RAB3C: variants seen among roughly 807,000 people sequenced by gnomAD.
RAB3C encodes the protein ras-related protein Rab-3C.
Under a neutral mutation model 26.4 loss-of-function variants are expected in RAB3C, and 17 were observed. The observed-to-expected ratio is 0.64, with a 90% CI of 0.44 to 0.97. The LOEUF (loss-of-function observed/expected upper bound fraction) is 0.97. RAB3C is among the 50% of genes least tolerant of loss of function. The pLI is 0.00. For synonymous variants in RAB3C, 91 were observed against 95.9 expected (o/e 0.95, Z 0.30); for missense variants, 242 against 281.9 (o/e 0.86, Z 1.01).
intron 1 of RAB3C, among the ~76,000 whole-genome samples, chr5:58,594,994 G>C (rs1399142096): frequency 1.3e-5 from 2 of 151,874 alleles, no homozygotes; most frequent in Non-Finnish European, 2.9e-5. Flanking sequence ...TCTTGTAAGA[G>C]CTATTCCTCA....
At chr5:58,599,043 A>T (rs1039709914) in intron 1 of RAB3C, among the ~76,000 whole-genome samples, 1 of 152,088 alleles carries the variant, frequency 6.6e-6, no homozygotes, top group African/African-American at 2.4e-5. Context: ...ATAGGTAAAA[A>T]CAAAACAAAA....
At chr5:58,753,629 A>G (rs1055041590) in intron 3 of RAB3C, among the ~76,000 whole-genome samples, 5 of 152,206 alleles carry the variant, frequency 3.3e-5, no homozygotes, top group Middle Eastern at 3.2e-3. Flanking sequence ...TTAGTTGCAC[A>G]GCTGTCTTCA....
intron 1 of RAB3C, among the ~76,000 whole-genome samples, chr5:58,600,437 T>C (rs899911460): frequency 6.6e-6 from 1 of 152,124 alleles, no homozygotes; most frequent in African/African-American, 2.4e-5. Flanking sequence ...GGCAGTATGG[T>C]CATTTTCACA....
intron 3 of RAB3C, among the ~76,000 whole-genome samples, chr5:58,726,639 T>C (rs1740897361): frequency 6.6e-6 from 1 of 151,994 alleles, no homozygotes. Context: ...TGTCCATTTA[T>C]GAAAAAAGTT....
At chr5:58,702,248 T>C (rs372422893) in intron 2 of RAB3C, among the ~76,000 whole-genome samples, 1 of 152,250 alleles carries the variant, frequency 6.6e-6, no homozygotes, top group East Asian at 1.9e-4. Flanking sequence ...TAAAATGCTG[T>C]CCGTGACCCA....
intron 4 of RAB3C, among the ~76,000 whole-genome samples, chr5:58,835,742 C>CA (rs148093910): frequency 3.4e-4 from 51 of 151,018 alleles, no homozygotes; most frequent in Middle Eastern, 3.4e-3. Flanking sequence ...TCTTTTTTAA[C>CA]AAAAAAAAGC....
chr5:58,816,569 G>T (rs1175469583), intron 3 of RAB3C, among the ~76,000 whole-genome samples: 1 of 152,156 alleles, frequency 6.6e-6, no homozygotes, highest in Non-Finnish European at 1.5e-5. Context: ...AAGTGGTAAG[G>T]CCTGGGGGAT....
At chr5:58,696,985 T>A (rs1748713965) in intron 2 of RAB3C, among the ~76,000 whole-genome samples, 1 of 152,232 alleles carries the variant, frequency 6.6e-6, no homozygotes, top group South Asian at 2.1e-4. Flanking sequence ...TGTTTGCTCT[T>A]ACTTCTCTAG....
At chr5:58,749,629 T>G (rs13176234) in intron 3 of RAB3C, among the ~76,000 whole-genome samples, 3,557 of 152,268 alleles carry the variant, frequency 0.023, 86 homozygotes, top group Non-Finnish European at 0.034. Context: ...TGTTTACAAT[T>G]TTTAAATATT....
intron 2 of RAB3C, among the ~76,000 whole-genome samples, chr5:58,658,585 A>T (rs1243305666): frequency 6.6e-6 from 1 of 152,184 alleles, no homozygotes; most frequent in African/African-American, 2.4e-5. Context: ...CAGCCTAACC[A>T]TGGTAAGGTT....
chr5:58,689,427 C>T, intron 2 of RAB3C: 1 of 152,038 alleles, frequency 6.6e-6, no homozygotes, highest in South Asian at 2.1e-4. Context: ...TATTTTGTAA[C>T]CAGATAATTT....
chr5:58,750,812 T>C lies in RAB3C; in HGVS notation c.371+24692T>C, dbSNP rs1346242501. 2.6e-5 allele frequency among the ~76,000 whole-genome samples: 4 copies of C among 152,292 alleles called. No homozygotes were observed. The South Asian group carries it at 8.3e-4, about 32-fold the overall frequency. ...TCATGTATTTTCTTTCCTTCCTTCC[T>C]TCCTTGCTTCCTTCCTTCCTCCCTC... On this transcript the variant is annotated intron_variant, in intron 3 of 4. Transcript: ENST00000282878.
At chr5:58,586,280 A>T (rs1355531079) in intron 1 of RAB3C, among the ~76,000 whole-genome samples, 2 of 152,072 alleles carry the variant, frequency 1.3e-5, no homozygotes, top group African/African-American at 4.8e-5. Flanking sequence ...TTAAGACTAA[A>T]TAACTTTCCC....
chr5:58,695,934 C>G (rs1008174749), intron 2 of RAB3C, among the ~76,000 whole-genome samples: 1 of 152,170 alleles, frequency 6.6e-6, no homozygotes, highest in Non-Finnish European at 1.5e-5. Context: ...TGCCTGATTG[C>G]CCTGGCCAGA....
intron 1 of RAB3C, among the ~76,000 whole-genome samples, chr5:58,591,470 T>TTTATTTTTTATA (rs1746125589): frequency 1.3e-5 from 2 of 151,890 alleles, no homozygotes; most frequent in Non-Finnish European, 2.9e-5. Flanking sequence ...AATTTTTCCT[T>TTTATTTTTTATA]TTATATTATG....
At chr5:58,663,204 AAAG>A (rs945297405) in intron 2 of RAB3C, among the ~76,000 whole-genome samples, 2 of 150,294 alleles carry the variant, frequency 1.3e-5, no homozygotes, top group African/African-American at 2.5e-5. Flanking sequence ...TTCAAATTAA[AAAG>A]AAAGCATGGT....
intron 1 of RAB3C, among the ~76,000 whole-genome samples, chr5:58,594,338 A>G (rs1746198997): frequency 6.6e-6 from 1 of 152,218 alleles, no homozygotes; most frequent in Non-Finnish European, 1.5e-5. Flanking sequence ...TGTTTGATCC[A>G]CTGAACACCT....
rs991284877 is a variant in RAB3C at position 58,583,185 on chromosome 5, A to T, written c.-24A>T. On this transcript the variant is annotated 5_prime_UTR_variant, in exon 1 of 5. Coordinates refer to ENST00000282878, the MANE Select transcript of RAB3C (RefSeq NM_138453.4). ...AGCCCAGACCAGTGCGGTCCTAGCC[A>T]GAGAGAAAGGACATTTGCCAACAAT... 8 of 1,614,180 alleles carry T rather than the reference A, an allele frequency of 5.0e-6. No individual in the cohort carries two copies. Among genetic ancestry groups the T allele is most frequent in the Non-Finnish European group, 6.8e-6 (8 of 1,180,032 alleles).
At chr5:58,849,047 A>T (rs572878348) in intron 4 of RAB3C, among the ~76,000 whole-genome samples, 1 of 152,222 alleles carries the variant, frequency 6.6e-6, no homozygotes. Context: ...CTCAAATTGT[A>T]TACCAATATG....
Sources: allele counts gnomAD v4.1 joint callset (sites outside exome capture counted in the v4.1 genomes callset), GRCh38; gene constraint gnomAD v4.1.1; transcripts MANE v1.5; gene names NCBI Gene and HGNC (gene_info 2026-07-23, HGNC 2026-07-21).